The following MCOLN2 variants were observed in gnomAD, a reference collection of about 807,000 sequenced individuals.
The protein encoded by MCOLN2 is mucolipin-2.
Under a neutral mutation model 67.5 loss-of-function variants are expected in MCOLN2, and 57 were observed. The ratio of observed to expected loss-of-function variants is 0.84; its 90% confidence interval spans 0.68 to 1.05. The LOEUF is 1.05. Among genes scored for constraint, MCOLN2 ranks in the 50% least tolerant of loss-of-function variants. MCOLN2 has a pLI of 0.00. For synonymous variants in MCOLN2, 246 were observed against 233.3 expected (o/e 1.05, Z -0.50); for missense variants, 620 against 678.8 (o/e 0.91, Z 0.96).
intron 9 of MCOLN2, 102 bp from the exon 10 acceptor site, chr1:84,938,184 G>T: frequency 1.4e-6 from 1 of 710,666 alleles, no homozygotes; most frequent in Non-Finnish European, 2.3e-6. Flanking sequence ...AGAACTATCT[G>T]CCTCCCTATA....
chr1:84,952,385 T>C (rs780062445), intron 5 of MCOLN2, 46 bp from the exon 6 acceptor site: 54 of 1,570,834 alleles, frequency 3.4e-5, no homozygotes, highest in Non-Finnish European at 4.6e-5. Context: ...AATCTTACTA[T>C]ATACTATTCT....
intron 1 of MCOLN2, among the ~76,000 whole-genome samples, chr1:84,971,692 T>G (rs377199490): frequency 6.6e-6 from 1 of 152,190 alleles, no homozygotes; most frequent in African/African-American, 2.4e-5. Flanking sequence ...TTACCCTATA[T>G]ACCTTGCAAT....
intron 1 of MCOLN2, among the ~76,000 whole-genome samples, chr1:84,974,707 G>C (rs1024869034): frequency 1.7e-4 from 26 of 152,094 alleles, no homozygotes; most frequent in Non-Finnish European, 3.1e-4. Flanking sequence ...CTCGGCTATT[G>C]GGGGGTGGAG....
chr1:84,934,427 A>G (rs1036622502), intron 11 of MCOLN2, among the ~76,000 whole-genome samples: 3 of 152,236 alleles, frequency 2.0e-5, no homozygotes, highest in African/African-American at 2.4e-5. Context: ...CAATGAAACC[A>G]TAACCTGCAA....
intron 1 of MCOLN2, among the ~76,000 whole-genome samples, chr1:84,996,393 CATATATATATATATATATAT>C (rs6143310): frequency 0.078 from 9,660 of 123,934 alleles, 688 homozygotes; most frequent in East Asian, 0.2. Context: ...GTATATATTT[CATATATATATATATATATAT>C]ATATATATAT....
chr1:84,988,807 A>G (rs1650741383), intron 1 of MCOLN2, among the ~76,000 whole-genome samples: 1 of 151,476 alleles, frequency 6.6e-6, no homozygotes, highest in South Asian at 2.1e-4. Context: ...ACTCCTGCCC[A>G]CTCCTCCCAT....
chr1:84,927,325 C>T (rs573883989), intron 13 of MCOLN2, among the ~76,000 whole-genome samples: 1 of 151,764 alleles, frequency 6.6e-6, no homozygotes, highest in East Asian at 1.9e-4. Context: ...TTATAAATTA[C>T]TAGAACAGCC....
chr1:84,933,921 C>G (rs996026704), intron 11 of MCOLN2, among the ~76,000 whole-genome samples: 2 of 152,164 alleles, frequency 1.3e-5, no homozygotes, highest in Non-Finnish European at 2.9e-5. Context: ...AAAACAGAGA[C>G]CCAGTCAATT....
intron 7 of MCOLN2, among the ~76,000 whole-genome samples, chr1:84,941,366 A>G (rs898906202): frequency 9.9e-5 from 15 of 152,206 alleles, no homozygotes; most frequent in East Asian, 3.9e-4. Context: ...GTGTGGTGGC[A>G]GGCGCCTGTA....
chr1:84,963,883 T>C (rs1398963375), intron 2 of MCOLN2, among the ~76,000 whole-genome samples: 2 of 152,194 alleles, frequency 1.3e-5, no homozygotes, highest in African/African-American at 2.4e-5. Flanking sequence ...CTAATACAGA[T>C]GGCAATGATA....
At position 84,965,668 on chromosome 1, in the gene MCOLN2, A is replaced by G. The variant is rs1030241556; in HGVS notation, c.118T>C (p.Cys40Arg). 6.2e-7 allele frequency: 1 copy of G among 1,613,684 alleles called. No individual in the cohort carries two copies. The highest frequency in any genetic ancestry group is 1.3e-5 in the African/African-American group (1 of 74,912). Residue 40 changes from cysteine (C) to arginine (R), a missense_variant, in exon 2 of 14, where the codon TGT becomes CGT. Cys to Arg is a radical substitution (Grantham distance 180). Coordinates refer to ENST00000370608, the MANE Select transcript of MCOLN2 (RefSeq NM_153259.4). ...AHRDSEMKEE[C>R]LREDLKFYFM... ...TAAAACTTCAGGTCTTCCCTTAGACATTCTTCTTTCATCTCAGAATCACGA... is the reference window on the plus strand; with the variant it reads ...TAAAACTTCAGGTCTTCCCTTAGACGTTCTTCTTTCATCTCAGAATCACGA...
chr1:84,977,922 A>G (rs666515), intron 1 of MCOLN2, among the ~76,000 whole-genome samples: 54,183 of 152,008 alleles, frequency 0.36, 10,037 homozygotes, highest in African/African-American at 0.44. Flanking sequence ...ACTTCATCCA[A>G]TGGCTACAGA....
intron 1 of MCOLN2, among the ~76,000 whole-genome samples, chr1:84,978,342 A>G (rs1400641971): frequency 6.6e-6 from 1 of 152,076 alleles, no homozygotes; most frequent in Non-Finnish European, 1.5e-5. Context: ...GAAAAGCAAG[A>G]GCAAACGAAA....
intron 11 of MCOLN2, among the ~76,000 whole-genome samples, chr1:84,936,451 G>A (rs1313109995): frequency 6.6e-6 from 1 of 152,138 alleles, no homozygotes; most frequent in South Asian, 2.1e-4. Context: ...CATGAGGCAA[G>A]CAAGGAAGAA....
At chr1:84,989,707 C>T (rs938928146) in intron 1 of MCOLN2, among the ~76,000 whole-genome samples, 1 of 151,870 alleles carries the variant, frequency 6.6e-6, no homozygotes, top group Non-Finnish European at 1.5e-5. Context: ...TTTAAGACTT[C>T]AAAAAGTTAA....
At chr1:84,995,412 C>G (rs1233948406) in intron 1 of MCOLN2, among the ~76,000 whole-genome samples, 1 of 152,122 alleles carries the variant, frequency 6.6e-6, no homozygotes, top group Non-Finnish European at 1.5e-5. Context: ...GCACTTTTTT[C>G]TATGAACCCC....
intron 12 of MCOLN2, 47 bp downstream of exon 12, chr1:84,931,315 T>G (rs775873775): frequency 1.8e-6 from 2 of 1,089,690 alleles, no homozygotes; most frequent in Admixed American, 3.8e-5. Context: ...ATAATCTATA[T>G]AGAATTTGCA....
At position 84,929,587 on chromosome 1, in the gene MCOLN2, G is replaced by T. The variant is rs202020702; in HGVS notation, c.1635C>A (p.Ala545=). ...SKEEYQKESS[A]FLSCICCRRR... is the part of the protein sequence containing the mutation. ...TCCGACAGCAGATGCAGGACAGGAA[G>T]GCTGAGGACTCTTTCTGATACTCTT... is the stretch of plus-strand genomic sequence containing the variant. The change falls in exon 13 of 14, where the codon GCC becomes GCA. Residue 545 remains alanine, a synonymous_variant. Coordinates refer to ENST00000370608, the MANE Select transcript of MCOLN2 (RefSeq NM_153259.4). The T allele has an allele frequency of 6.6e-5, 106 of 1,613,748 alleles. No individual in the cohort carries two copies. In the Middle Eastern group the frequency reaches 8.3e-4, roughly 13 times the overall value.
chr1:84,956,650 A>G (rs1216955681), intron 3 of MCOLN2, 66 bp from the exon 4 acceptor site: 7 of 1,341,692 alleles, frequency 5.2e-6, no homozygotes, highest in Non-Finnish European at 7.1e-6. Flanking sequence ...AGGTTATAGC[A>G]TATAGAATGT....
Sources: gnomAD v4.1 joint callset for allele counts (sites outside exome capture counted in the v4.1 genomes callset) on GRCh38, gnomAD v4.1.1 for gene constraint, MANE v1.5 for transcripts, NCBI Gene and HGNC (gene_info 2026-07-23, HGNC 2026-07-21) for gene names.